Variants in JAKMIP1 observed in about 807,000 individuals in gnomAD.
JAKMIP1 encodes janus kinase and microtubule-interacting protein 1.
In JAKMIP1, 33 loss-of-function variants were observed where a neutral mutation model predicts 113.0. That is an observed-to-expected ratio of 0.29 (90% CI 0.22 to 0.39). The LOEUF is 0.39. Among genes scored for constraint, JAKMIP1 ranks in the 10% least tolerant of loss-of-function variants. The probability of loss-of-function intolerance (pLI) is 1.00; values close to 1 mark genes in which losing one functional copy is unlikely to be tolerated. For missense variants in JAKMIP1, 813 were observed against 1,080.5 expected (o/e 0.75, Z 3.47); for synonymous variants, 480 against 459.9 (o/e 1.04, Z -0.56).
At chr4:6,146,116 T>A (rs1286182705) in intron 1 of JAKMIP1, among the ~76,000 whole-genome samples, 1 of 151,286 alleles carries the variant, frequency 6.6e-6, no homozygotes, top group East Asian at 1.9e-4. Flanking sequence ...TGACACACGG[T>A]ATAAGATGCA....
In JAKMIP1 at chr4:6,080,918, T is replaced by G. The variant is rs2108821188; in HGVS notation, c.1102-606A>C. 6.7e-6 allele frequency among the ~76,000 whole-genome samples: 1 copy of G among 150,092 alleles called. No individual in the cohort carries two copies. The highest frequency in any genetic ancestry group is 2.1e-4 in the South Asian group (1 of 4,712). ...AGGGCCTGGGGGTGGAAGACGACAT[T>G]TGAAATGAGCCTAGAAACCTGGGAG... On this transcript the variant is annotated intron_variant, in intron 6 of 20. Coordinates refer to ENST00000409021, the MANE Select transcript of JAKMIP1 (RefSeq NM_001099433.2). This position sits in a 1 kb window ranked among gnomAD's most constrained non-coding sequence, Gnocchi z 6.0.
intron 1 of JAKMIP1, among the ~76,000 whole-genome samples, chr4:6,152,426 C>G (rs768119082): frequency 1.0e-3 from 156 of 152,306 alleles, no homozygotes; most frequent in Middle Eastern, 6.8e-3. Context: ...GGGGAGCTGC[C>G]TGCTGCTCTG....
rs144241541 is a variant in JAKMIP1 at position 6,134,000 on chromosome 4, G to A, written c.-147-21003C>T. Among the ~76,000 whole-genome samples, 237 of 152,310 alleles carry A rather than the reference G, an allele frequency of 1.6e-3. 3 individuals carry two copies. Among genetic ancestry groups the A allele is most frequent in the Admixed American group, 0.012 (182 of 15,304 alleles). On this transcript the variant is annotated intron_variant, in intron 1 of 20. Coordinates refer to ENST00000409021, the MANE Select transcript of JAKMIP1 (RefSeq NM_001099433.2). ...GTGTGAATTAGAATGGACTGATATG[G>A]TTAGGCTTTGTGTGCCCACCCAAAT...
chr4:6,034,194 C>T (rs1713104896), intron 19 of JAKMIP1, among the ~76,000 whole-genome samples: 1 of 94,344 alleles, frequency 1.1e-5, no homozygotes, highest in Admixed American at 8.5e-5. Flanking sequence ...CACTTATTGA[C>T]AGCAGTTTAC....
rs1220467967 is a variant in JAKMIP1, at chr4:6,184,167, C to A, written c.-148+16086G>T. Among the ~76,000 whole-genome samples the A allele has an allele frequency of 6.6e-6, 1 of 152,190 alleles. No individual in the cohort carries two copies. The highest frequency in any genetic ancestry group is 1.5e-5 in the Non-Finnish European group (1 of 68,036). ...AAAAATTTTATTTTTGAAAAGACTT[C>A]ATTTTGCAGATGGGAAAACAAACCC... On this transcript the variant is annotated intron_variant, in intron 1 of 20. Coordinates refer to ENST00000409021, the MANE Select transcript of JAKMIP1 (RefSeq NM_001099433.2). The surrounding 1 kb of genome is among the most constrained non-coding windows in gnomAD (Gnocchi z 4.5).
Position 6,119,458 on chromosome 4 carries a change from C to T in JAKMIP1, c.-147-6461G>A, listed in dbSNP as rs183504139. Among the ~76,000 whole-genome samples, 19 of 152,236 alleles carry T rather than the reference C, an allele frequency of 1.2e-4. No homozygotes were observed. The East Asian group carries it at 2.3e-3, about 19-fold the overall frequency. The stretch of plus-strand genomic sequence containing the variant: ...ACTTGGGAGGCTGAGCCAGGAGAAT[C>T]GCTTGAACCCGGGAGGTGGAGGTTG... On this transcript the variant is annotated intron_variant, in intron 1 of 20. Transcript: ENST00000409021.
Position 6,036,020 on chromosome 4 carries a change from G to A in JAKMIP1, c.2263C>T (p.Arg755Trp), listed in dbSNP as rs1317776655. 49 of 1,552,628 alleles carry A rather than the reference G, an allele frequency of 3.2e-5. No individual in the cohort carries two copies. The Admixed American group carries it at 6.8e-4, about 22-fold the overall frequency. Reference protein sequence around the residue: ...RAGEALSEGQREDLQAAVEKV... With the variant: ...RAGEALSEGQWEDLQAAVEKV... ...TCCACAGCAGCCTGCAGGTCCTCCC[G>A]CTGGCCCTCGCTCAGCGCCTCACCG... The change falls in exon 19 of 21, where the codon CGG becomes TGG. Residue 755 changes from arginine (R) to tryptophan (W), a missense_variant. This residue lies in a region of JAKMIP1 where 273 missense variants were observed against 426.6 expected (regional missense o/e 0.64). Transcript: ENST00000409021.
rs1221778626 is a variant in JAKMIP1 at position 6,158,074 on chromosome 4, T to C, written c.-148+42179A>G. ...TCAAGCTGTCGGCCAGCGCCGTCCCTCTCCCTGTGTGAGACGCTGGTCAAG... is the reference window on the plus strand; with the variant it reads ...TCAAGCTGTCGGCCAGCGCCGTCCCCCTCCCTGTGTGAGACGCTGGTCAAG... On this transcript the variant is annotated intron_variant, in intron 1 of 20. Coordinates refer to ENST00000409021, the MANE Select transcript of JAKMIP1 (RefSeq NM_001099433.2). This position sits in a 1 kb window ranked among gnomAD's most constrained non-coding sequence, Gnocchi z 5.3. Among the ~76,000 whole-genome samples the C allele has an allele frequency of 1.3e-5, 2 of 152,146 alleles. No individual in the cohort carries two copies. Among genetic ancestry groups the C allele is most frequent in the Middle Eastern group, 3.2e-3 (1 of 316 alleles).
At chr4:6,039,257 G>A (rs540643012) in intron 18 of JAKMIP1, among the ~76,000 whole-genome samples, 2 of 152,330 alleles carry the variant, frequency 1.3e-5, no homozygotes, top group East Asian at 3.9e-4. Flanking sequence ...GTTCCGAAGT[G>A]TGTTTTGGGA....
In JAKMIP1 at chr4:6,050,670, T is replaced by A; in HGVS notation, c.1816A>T (p.Arg606Trp). ...FRVLELEERERRSPAFNLQIT... is the reference protein window; with the variant it reads ...FRVLELEEREWRSPAFNLQIT... ...TGGAGGTTAAATGCTGGCGACCTCC[T>A]CTCTCTCTCCTGGGGAAAAGATTCG... The change falls in exon 14 of 21, where the codon AGG becomes TGG. Residue 606 changes from arginine (R) to tryptophan (W), a missense_variant. Arg to Trp is a moderately radical substitution (Grantham distance 101). Around this residue, in one of 2 missense-constraint regions of JAKMIP1, gnomAD observed 273 missense variants for 426.6 expected, o/e 0.64. Coordinates refer to ENST00000409021, the MANE Select transcript of JAKMIP1 (RefSeq NM_001099433.2). The surrounding 1 kb of genome is among the most constrained non-coding windows in gnomAD (Gnocchi z 7.4). 1 of 1,554,260 alleles carries A rather than the reference T, an allele frequency of 6.4e-7. No individual in the cohort carries two copies.
Position 6,185,248 on chromosome 4 carries a change from C to A in JAKMIP1, c.-148+15005G>T, listed in dbSNP as rs1309009170. 2.0e-5 allele frequency among the ~76,000 whole-genome samples: 3 copies of A among 152,220 alleles called. No homozygotes were observed. The highest frequency in any genetic ancestry group is 2.0e-4 in the Admixed American group (3 of 15,278). On this transcript the variant is annotated intron_variant, in intron 1 of 20. Coordinates refer to ENST00000409021, the MANE Select transcript of JAKMIP1 (RefSeq NM_001099433.2). The surrounding 1 kb of genome is among the most constrained non-coding windows in gnomAD (Gnocchi z 5.3). ...CATATATACATCTATCCTATCAGTT[C>A]TGTCCCTCTCGAGAACCCTGACTAA...
chr4:6,164,454 G>C (rs892810475), intron 1 of JAKMIP1, among the ~76,000 whole-genome samples: 13 of 151,272 alleles, frequency 8.6e-5, no homozygotes, highest in Admixed American at 4.6e-4. Flanking sequence ...AGAGGAGATT[G>C]ATGTTGTTGT....
At chr4:6,063,311 T>G (rs929288176) in intron 9 of JAKMIP1, among the ~76,000 whole-genome samples, 2 of 152,232 alleles carry the variant, frequency 1.3e-5, no homozygotes, top group African/African-American at 4.8e-5. Flanking sequence ...CAATCCCATG[T>G]TCTGGTGCTG....
chr4:6,183,253 C>A lies in JAKMIP1; in HGVS notation c.-148+17000G>T, dbSNP rs530477143. On this transcript the variant is annotated intron_variant, in intron 1 of 20. Coordinates refer to ENST00000409021, the MANE Select transcript of JAKMIP1 (RefSeq NM_001099433.2). The surrounding 1 kb of genome is among the most constrained non-coding windows in gnomAD (Gnocchi z 5.3). ...CAGCACTTTGGGAGGCTGAGGCAGG[C>A]GCATCACCTGAGGTCAGGAGTTTGA... is the stretch of plus-strand genomic sequence containing the variant. 3.5e-3 allele frequency among the ~76,000 whole-genome samples: 530 copies of A among 151,978 alleles called. 1 individual carries two copies. The highest frequency in any genetic ancestry group is 6.2e-3 in the Non-Finnish European group (422 of 67,980).
rs910584910 is a variant in JAKMIP1 at position 6,156,285 on chromosome 4, C to T, written c.-147-43288G>A. ...CTGTATCACACTGATCCTAAGTTAACGTTTCTGAAATCAAGATTCATCTCA... is the reference window on the plus strand; with the variant it reads ...CTGTATCACACTGATCCTAAGTTAATGTTTCTGAAATCAAGATTCATCTCA... On this transcript the variant is annotated intron_variant, in intron 1 of 20. Coordinates refer to ENST00000409021, the MANE Select transcript of JAKMIP1 (RefSeq NM_001099433.2). This position sits in a 1 kb window ranked among gnomAD's most constrained non-coding sequence, Gnocchi z 5.0. Among the ~76,000 whole-genome samples, 1 of 152,182 alleles carries T rather than the reference C, an allele frequency of 6.6e-6. No individual in the cohort carries two copies. The highest frequency in any genetic ancestry group is 1.5e-5 in the Non-Finnish European group (1 of 68,028).
At chr4:6,133,661 C>G (rs1464528722) in intron 1 of JAKMIP1, among the ~76,000 whole-genome samples, 1 of 152,214 alleles carries the variant, frequency 6.6e-6, no homozygotes, top group Non-Finnish European at 1.5e-5. Flanking sequence ...TAATTTTGCC[C>G]TGGGACCATG....
intron 1 of JAKMIP1, among the ~76,000 whole-genome samples, chr4:6,172,443 T>C (rs1724839813): frequency 6.6e-6 from 1 of 152,192 alleles, no homozygotes; most frequent in Middle Eastern, 3.2e-3. Flanking sequence ...CTAAGTCCCA[T>C]GCTGCTCCAG....
At position 6,197,935 on chromosome 4, in the gene JAKMIP1, G is replaced by A. The variant is rs944828156; in HGVS notation, c.-148+2318C>T. Among the ~76,000 whole-genome samples the A allele has an allele frequency of 2.0e-5, 3 of 152,178 alleles. No homozygotes were observed. Among genetic ancestry groups the A allele is most frequent in the African/African-American group, 4.8e-5 (2 of 41,426 alleles). The stretch of plus-strand genomic sequence containing the variant: ...TTACACACCAAGAGAGTGGGGCCAC[G>A]GTCCTGCCACTTCCTCGTGCAGCCT... On this transcript the variant is annotated intron_variant, in intron 1 of 20. Transcript: ENST00000409021. This position sits in a 1 kb window ranked among gnomAD's most constrained non-coding sequence, Gnocchi z 6.5.
At chr4:6,048,750 A>C in intron 16 of JAKMIP1, 107 bp downstream of exon 16, 1 of 888,920 alleles carries the variant, frequency 1.1e-6, no homozygotes, top group Non-Finnish European at 1.8e-6. Context: ...ACGCAGACGG[A>C]CTGGAACGCA....
Sources: allele counts gnomAD v4.1 joint callset (sites outside exome capture counted in the v4.1 genomes callset), GRCh38; gene constraint gnomAD v4.1.1; regional missense constraint gnomAD v4.1.1; non-coding constraint Gnocchi (gnomAD v3.1); transcripts MANE v1.5; gene names NCBI Gene and HGNC (gene_info 2026-07-23, HGNC 2026-07-21).